MRTFB: variants seen among roughly 807,000 people sequenced by gnomAD.
The protein encoded by MRTFB is myocardin related transcription factor B, also known as myocardin-related transcription factor B.
In MRTFB, 29 loss-of-function variants were observed where a neutral mutation model predicts 104.2. That is an observed-to-expected ratio of 0.28 (90% CI 0.21 to 0.38). The LOEUF (loss-of-function observed/expected upper bound fraction) is 0.38, where lower values mean the gene tolerates loss of function less well. Ranked by LOEUF, MRTFB falls within the 10% of genes least tolerant of loss-of-function variation. MRTFB has a pLI of 1.00. For missense variants in MRTFB, 1,270 were observed against 1,341.6 expected (o/e 0.95, Z 0.83); for synonymous variants, 535 against 519.5 (o/e 1.03, Z -0.41).
At chr16:14,235,106 CT>C (rs2042437052) in intron 9 of MRTFB, among the ~76,000 whole-genome samples, 1 of 152,192 alleles carries the variant, frequency 6.6e-6, no homozygotes, top group Admixed American at 6.5e-5. Flanking sequence ...AAGTCTAGCT[CT>C]CTCCTGCCTC....
At chr16:14,129,053 C>T (rs1052638082) in intron 2 of MRTFB, among the ~76,000 whole-genome samples, 3 of 152,184 alleles carry the variant, frequency 2.0e-5, no homozygotes, top group Non-Finnish European at 2.9e-5. Flanking sequence ...TAGCATAATG[C>T]GTTTGAGATT....
At chr16:14,227,083 T>C (rs1194456510) in intron 8 of MRTFB, among the ~76,000 whole-genome samples, 2 of 151,970 alleles carry the variant, frequency 1.3e-5, no homozygotes, top group African/African-American at 4.8e-5. Flanking sequence ...AAATCATATA[T>C]CTTATAAGGA....
upstream of MRTFB, among the ~76,000 whole-genome samples, chr16:14,068,558 C>A (rs553901428): frequency 1.3e-5 from 2 of 151,994 alleles, no homozygotes; most frequent in African/African-American, 4.8e-5. Flanking sequence ...TGTGTTGTTG[C>A]GTGTTGTTGT....
chr16:14,232,349 C>T (rs753689200), intron 8 of MRTFB, among the ~76,000 whole-genome samples: 12 of 152,154 alleles, frequency 7.9e-5, no homozygotes, highest in Non-Finnish European at 1.8e-4. Flanking sequence ...AAACCAACCA[C>T]GTAAAGTCAT....
intron 3 of MRTFB, among the ~76,000 whole-genome samples, chr16:14,179,161 T>G (rs527775855): frequency 3.3e-5 from 5 of 152,252 alleles, no homozygotes; most frequent in Non-Finnish European, 7.3e-5. Context: ...GCATATTAAT[T>G]ATAGAAATCC....
chr16:14,131,411 A>G (rs1464239112), intron 2 of MRTFB, among the ~76,000 whole-genome samples: 2 of 152,218 alleles, frequency 1.3e-5, no homozygotes, highest in Non-Finnish European at 2.9e-5. Flanking sequence ...TTTCTTAGGT[A>G]TGACATCAAA....
chr16:14,128,056 A>G (rs1464180538), intron 2 of MRTFB, among the ~76,000 whole-genome samples: 1 of 150,872 alleles, frequency 6.6e-6, no homozygotes, highest in Admixed American at 6.6e-5. Context: ...TGCAAAAGAG[A>G]AAAGATTTAT....
chr16:14,244,456 C>A (rs763393128), intron 10 of MRTFB, among the ~76,000 whole-genome samples: 9 of 152,058 alleles, frequency 5.9e-5, no homozygotes, highest in Non-Finnish European at 1.2e-4. Flanking sequence ...TTTAGTACTA[C>A]GAAAGAAAAG....
rs1000047654 is a variant in MRTFB, at chr16:14,263,866, C to G, written c.*2422C>G. ...GCACCATTCCGCTTGACCCTCCTCTCTCCTGGCTTGGGTCACCAGCCAGGC... is the reference window on the plus strand; with the variant it reads ...GCACCATTCCGCTTGACCCTCCTCTGTCCTGGCTTGGGTCACCAGCCAGGC... On this transcript the variant is annotated 3_prime_UTR_variant, in exon 17 of 17. Coordinates refer to ENST00000571589, the MANE Select transcript of MRTFB (RefSeq NM_001308142.2). The G allele has an allele frequency of 6.6e-6, 1 of 152,272 alleles. No homozygotes were observed. The highest frequency in any genetic ancestry group is 1.5e-5 in the Non-Finnish European group (1 of 68,074). 9.4% of individuals were successfully genotyped at this position (152,272 alleles called of 1,614,324 possible).
the MRTFB span, among the ~76,000 whole-genome samples, chr16:14,006,927 G>A: frequency 6.6e-6 from 1 of 151,640 alleles, no homozygotes; most frequent in Non-Finnish European, 1.5e-5. Context: ...TGAGGTGGGG[G>A]GATTGCTTGA....
At chr16:13,995,807 A>G in the MRTFB span, among the ~76,000 whole-genome samples, 2 of 152,126 alleles carry the variant, frequency 1.3e-5, no homozygotes, top group South Asian at 2.1e-4. Flanking sequence ...GTGAGAACTC[A>G]TGAGAACAGC....
At chr16:14,068,463 G>A (rs772306890), upstream of MRTFB, among the ~76,000 whole-genome samples, 5 of 152,158 alleles carry the variant, frequency 3.3e-5, no homozygotes, top group Non-Finnish European at 7.3e-5. Flanking sequence ...TTTGAGGTAG[G>A]GAATAGCCTT....
intron 3 of MRTFB, among the ~76,000 whole-genome samples, chr16:14,197,740 C>T (rs914245645): frequency 3.3e-5 from 5 of 151,834 alleles, no homozygotes; most frequent in African/African-American, 7.3e-5. Context: ...AGATATCTAG[C>T]GTGCAGTGTG....
chr16:14,043,244 TG>T, the MRTFB span, among the ~76,000 whole-genome samples: 1 of 152,204 alleles, frequency 6.6e-6, no homozygotes, highest in Admixed American at 6.5e-5. Context: ...TATGTGTTGC[TG>T]GGATTTGGAG....
At position 14,242,350 on chromosome 16, in the gene MRTFB, C is replaced by T. The variant is rs1313955529; in HGVS notation, c.1079+1866C>T. The stretch of plus-strand genomic sequence containing the variant: ...AGCACCTCTACAATAACCAAGCTCA[C>T]CCAAGAATAGTATCATACAAAAAGA... On this transcript the variant is annotated intron_variant, in intron 10 of 16. Coordinates refer to ENST00000571589, the MANE Select transcript of MRTFB (RefSeq NM_001308142.2). Among the ~76,000 whole-genome samples the T allele has an allele frequency of 2.0e-5, 3 of 151,978 alleles. No homozygotes were observed. In the East Asian group the frequency reaches 5.8e-4, roughly 29 times the overall value.
rs902565733 is a variant in MRTFB, at chr16:14,266,002, G to A, written c.*4558G>A. 2 of 152,218 alleles carry A rather than the reference G, an allele frequency of 1.3e-5. No individual in the cohort carries two copies. Among genetic ancestry groups the A allele is most frequent in the African/African-American group, 4.8e-5 (2 of 41,454 alleles). The allele number at this position is 152,218 out of a possible 1,614,324, so 9.4% of individuals were successfully genotyped here. A position where few individuals can be genotyped will look rare whatever the true frequency, so the allele number is the denominator to read the frequency against. The stretch of plus-strand genomic sequence containing the variant: ...AATCTTGCTAATTTGGTAGGAAGAG[G>A]AAGCATTTAGGAAAGGGTTTAGTAT... On this transcript the variant is annotated 3_prime_UTR_variant, in exon 17 of 17. Coordinates refer to ENST00000571589, the MANE Select transcript of MRTFB (RefSeq NM_001308142.2).
At chr16:14,029,663 C>T in the MRTFB span, among the ~76,000 whole-genome samples, 1 of 151,926 alleles carries the variant, frequency 6.6e-6, no homozygotes, top group East Asian at 1.9e-4. Flanking sequence ...ACTGTGTACG[C>T]ACATGCAGGA....
At chr16:14,212,994 A>G (rs376321204) in intron 5 of MRTFB, among the ~76,000 whole-genome samples, 20 of 152,366 alleles carry the variant, frequency 1.3e-4, no homozygotes, top group African/African-American at 4.6e-4. Context: ...ATCATGCAAC[A>G]TGAAAATAAA....
intron 12 of MRTFB, 36 bp from the exon 13 acceptor site, chr16:14,248,890 C>T: frequency 6.2e-7 from 1 of 1,605,404 alleles, no homozygotes; most frequent in East Asian, 2.2e-5. Flanking sequence ...TTGATTCTGA[C>T]AATTAAATTG....
Sources: allele counts gnomAD v4.1 joint callset (sites outside exome capture counted in the v4.1 genomes callset), GRCh38; gene constraint gnomAD v4.1.1; transcripts MANE v1.5; gene names NCBI Gene and HGNC (gene_info 2026-07-23, HGNC 2026-07-21).